ZSWIM8: variants seen among roughly 807,000 people sequenced by gnomAD.
ZSWIM8 encodes zinc finger SWIM-type containing 8.
ZSWIM8 carries 27 observed loss-of-function variants against 173.7 expected under a neutral mutation model. The observed-to-expected ratio is 0.16, with a 90% CI of 0.11 to 0.21. The LOEUF (loss-of-function observed/expected upper bound fraction) is 0.21, where lower values mean the gene tolerates loss of function less well. Ranked by LOEUF, ZSWIM8 falls within the 10% of genes least tolerant of loss-of-function variation. ZSWIM8 has a pLI of 1.00. For missense variants in ZSWIM8, 1,627 were observed against 2,428.8 expected (o/e 0.67, Z 6.94); for synonymous variants, 958 against 962.0 (o/e 1.00, Z 0.08).
In ZSWIM8 at chr10:73,791,958, C is replaced by T. The variant is rs551959179; in HGVS notation, c.1419C>T (p.Pro473=). 215 of 1,551,248 alleles carry T rather than the reference C, an allele frequency of 1.4e-4. No individual in the cohort carries two copies. Among genetic ancestry groups the T allele is most frequent in the Non-Finnish European group, 1.8e-4 (201 of 1,146,884 alleles). Residue 473 remains proline, a synonymous_variant, in exon 10 of 26, where the codon CCC becomes CCT. Transcript: ENST00000604729. This position sits in a 1 kb window ranked among gnomAD's most constrained non-coding sequence, Gnocchi z 6.0. ...QHKKTLERLF[P]GFRPAVEACY... is the part of the protein sequence containing the mutation. ...AGAAGACGCTGGAGCGGCTCTTCCC[C>T]GGCTTCCGGCCAGCGGTGGAGGCCT... is the stretch of plus-strand genomic sequence containing the variant.
At chr10:73,788,614 A>C in intron 1 of ZSWIM8, 56 bp from the exon 2 acceptor site, 7 of 1,576,206 alleles carry the variant, frequency 4.4e-6, no homozygotes, top group Non-Finnish European at 6.1e-6. Context: ...CCAAGAGACC[A>C]TGGCCCTTTT....
chr10:73,796,755 C>T lies in ZSWIM8; in HGVS notation c.3034-19C>T. ...ATCCTGTCACTGCTTCTCTGGAGGT[C>T]ACTGCTTCTGTCTTCCAGATCTTAG... On this transcript the variant is annotated intron_variant, in intron 15 of 25. Coordinates refer to ENST00000604729, the MANE Select transcript of ZSWIM8 (RefSeq NM_001367799.1). The T allele has an allele frequency of 6.2e-7, 1 of 1,610,308 alleles. No homozygotes were observed. Among genetic ancestry groups the T allele is most frequent in the Non-Finnish European group, 8.5e-7 (1 of 1,179,526 alleles).
Position 73,791,844 on chromosome 10 carries a change from C to G in ZSWIM8, c.1320-15C>G. ...CAGTAGCCCCTCAGCAGCCTCCTGC[C>G]CCTTGTTCCCACAGGCGCCGGGAAC... On this transcript the variant is annotated splice_polypyrimidine_tract_variant and intron_variant, in intron 9 of 25. Coordinates refer to ENST00000604729, the MANE Select transcript of ZSWIM8 (RefSeq NM_001367799.1). The surrounding 1 kb of genome is among the most constrained non-coding windows in gnomAD (Gnocchi z 6.0). 1 of 1,498,450 alleles carries G rather than the reference C, an allele frequency of 6.7e-7. No individual in the cohort carries two copies. Among genetic ancestry groups the G allele is most frequent in the Non-Finnish European group, 9.0e-7 (1 of 1,114,846 alleles). The allele number at this position is 1,498,450 out of a possible 1,614,324, so 92.8% of individuals were successfully genotyped here.
Position 73,792,870 on chromosome 10 carries a change from G to C in ZSWIM8, c.2313+18G>C. ...GCATGGAGGTGAGGGGATGGAAGGA[G>C]GGAGGGCTGGGTGCTCCTTAGCCAC... On this transcript the variant is annotated intron_variant, in intron 10 of 25. Transcript: ENST00000604729. The surrounding 1 kb of genome is among the most constrained non-coding windows in gnomAD (Gnocchi z 4.3). 3 of 1,528,378 alleles carry C rather than the reference G, an allele frequency of 2.0e-6. No individual in the cohort carries two copies. The highest frequency in any genetic ancestry group is 2.6e-6 in the Non-Finnish European group (3 of 1,142,880). 94.7% of individuals were successfully genotyped at this position (1,528,378 alleles called of 1,614,324 possible).
In ZSWIM8 at chr10:73,801,761, A is replaced by G. The variant is rs2083976152; in HGVS notation, c.*242A>G. The G allele has an allele frequency of 6.7e-7, 1 of 1,493,184 alleles. No homozygotes were observed. Among genetic ancestry groups the G allele is most frequent in the African/African-American group, 1.4e-5 (1 of 71,500 alleles). The allele number at this position is 1,493,184 out of a possible 1,614,324, so 92.5% of individuals were successfully genotyped here. A position where few individuals can be genotyped will look rare whatever the true frequency, so the allele number is the denominator to read the frequency against. Reference sequence around the variant, plus strand: ...GGGTGGCCTCTGGTATTTATTTGGCATTTATAAATATATAAACTCCTTTTT... The same window carrying G: ...GGGTGGCCTCTGGTATTTATTTGGCGTTTATAAATATATAAACTCCTTTTT... On this transcript the variant is annotated 3_prime_UTR_variant, in exon 26 of 26. Coordinates refer to ENST00000604729, the MANE Select transcript of ZSWIM8 (RefSeq NM_001367799.1). This position sits in a 1 kb window ranked among gnomAD's most constrained non-coding sequence, Gnocchi z 4.9.
At chr10:73,787,567 G>A (rs971019765) in intron 1 of ZSWIM8, among the ~76,000 whole-genome samples, 17 of 152,202 alleles carry the variant, frequency 1.1e-4, no homozygotes, top group African/African-American at 3.6e-4. Context: ...AAATAAAGGG[G>A]TTGGCCAGGT....
rs764840466 is a variant in ZSWIM8, at chr10:73,794,020, T to A, written c.2601T>A (p.Pro867=). 6.2e-7 allele frequency: 1 copy of A among 1,613,370 alleles called. No homozygotes were observed. Among genetic ancestry groups the A allele is most frequent in the Non-Finnish European group, 8.5e-7 (1 of 1,179,586 alleles). ...TGTTTGCCTTGGAGCTACAGAGGCC[T>A]CCAGCTTCTACCAAGGCCTTGGAGG... The part of the protein sequence containing the change: ...VGMFALELQR[P]PASTKALEVK... The change falls in exon 12 of 26, where the codon CCT becomes CCA. Residue 867 remains proline (P), a synonymous_variant. Coordinates refer to ENST00000604729, the MANE Select transcript of ZSWIM8 (RefSeq NM_001367799.1).
intron 7 of ZSWIM8, among the ~76,000 whole-genome samples, 162 bp from the exon 8 acceptor site, chr10:73,790,813 C>T (rs1012099033): frequency 2.0e-5 from 3 of 152,128 alleles, no homozygotes; most frequent in African/African-American, 7.2e-5. Flanking sequence ...CGCGCCATTG[C>T]ACTCAAGCCT....
intron 1 of ZSWIM8, among the ~76,000 whole-genome samples, chr10:73,788,425 C>T (rs1408283986): frequency 1.3e-5 from 2 of 152,166 alleles, no homozygotes. Flanking sequence ...TCTCTGGTAT[C>T]TTCTGTTCTA....
intron 1 of ZSWIM8, among the ~76,000 whole-genome samples, chr10:73,788,376 C>T (rs924589669): frequency 6.6e-6 from 1 of 152,140 alleles, no homozygotes; most frequent in African/African-American, 2.4e-5. Flanking sequence ...TTGCTAGGGT[C>T]CTGGAACGCA....
rs532021298 is a variant in ZSWIM8 at position 73,798,463 on chromosome 10, C to T, written c.4176+10C>T. 1.4e-5 allele frequency: 23 copies of T among 1,608,392 alleles called. No homozygotes were observed. Among genetic ancestry groups the T allele is most frequent in the African/African-American group, 1.1e-4 (8 of 74,946 alleles). ...GCAGTGCAAGGAACAGGTATTTCTA[C>T]GGGCAATCTGGGAACCTCTTCTGGG... On this transcript the variant is annotated intron_variant, in intron 20 of 25. Transcript: ENST00000604729.
In ZSWIM8 at chr10:73,797,077, C is replaced by T. The variant is rs759076241; in HGVS notation, c.3275-36C>T. The T allele has an allele frequency of 1.6e-5, 26 of 1,612,974 alleles. 1 individual carries two copies. The highest frequency in any genetic ancestry group is 3.3e-5 in the Admixed American group (2 of 59,886). ...TGGACCTATGTTGAGGTCCCCTTTC[C>T]TGGGCTCATCCCAGCGTCCTGTTTT... is the stretch of plus-strand genomic sequence containing the variant. On this transcript the variant is annotated intron_variant, in intron 16 of 25. Transcript: ENST00000604729. This position sits in a 1 kb window ranked among gnomAD's most constrained non-coding sequence, Gnocchi z 5.6.
chr10:73,786,189 C>A, intron 1 of ZSWIM8, 103 bp downstream of exon 1: 1 of 1,283,068 alleles, frequency 7.8e-7, no homozygotes, highest in Non-Finnish European at 1.0e-6. Flanking sequence ...CTCTCTTCAA[C>A]CAGGGGAAGA....
chr10:73,801,717 C>A lies in ZSWIM8; in HGVS notation c.*198C>A. 1 of 1,531,988 alleles carries A rather than the reference C, an allele frequency of 6.5e-7. No homozygotes were observed. The allele number at this position is 1,531,988 out of a possible 1,614,324, so 94.9% of individuals were successfully genotyped here. ...AAGCCTAGGGCTGGGGGAGACAGCCCTGTCTGGGAGGGGGCGTTGGGTGGC... is the reference window on the plus strand; with the variant it reads ...AAGCCTAGGGCTGGGGGAGACAGCCATGTCTGGGAGGGGGCGTTGGGTGGC... On this transcript the variant is annotated 3_prime_UTR_variant, in exon 26 of 26. Transcript: ENST00000604729. This position sits in a 1 kb window ranked among gnomAD's most constrained non-coding sequence, Gnocchi z 4.9.
rs2083423535 is a variant in ZSWIM8 at position 73,791,782 on chromosome 10, CT to C, written c.1320-74del. 1 of 1,441,032 alleles carries C rather than the reference CT, an allele frequency of 6.9e-7. No homozygotes were observed. Among genetic ancestry groups the C allele is most frequent in the Admixed American group, 2.8e-5 (1 of 35,896 alleles). 89.3% of individuals were successfully genotyped at this position (1,441,032 alleles called of 1,614,324 possible). ...TCCTGTATCCTTTCCCCATGCCTCT[CT>C]TTGGGGTGTACACCTACTCCATGCC... On this transcript the variant is annotated intron_variant, in intron 9 of 25. Coordinates refer to ENST00000604729, the MANE Select transcript of ZSWIM8 (RefSeq NM_001367799.1). The surrounding 1 kb of genome is among the most constrained non-coding windows in gnomAD (Gnocchi z 6.0).
chr10:73,788,967 T>TCCCCCCCCCCCCCCCCCCCCCCCCC, intron 2 of ZSWIM8, 129 bp from the exon 3 acceptor site: 1 of 507,286 alleles, frequency 2.0e-6, no homozygotes, highest in South Asian at 1.9e-5. Flanking sequence ...TTCCACTCCC[T>TCCCCCCCCCCCCCCCCCCCCCCCCC]CCCCCCCACC....
In ZSWIM8 at chr10:73,793,855, C is replaced by G. The variant is rs773559391; in HGVS notation, c.2446-10C>G. ...CATCTGCCTGTCTCCTGTGTTTCTT[C>G]CCTTTCTAGGGCAAGAAGAACAAGG... On this transcript the variant is annotated splice_polypyrimidine_tract_variant and intron_variant, in intron 11 of 25. Transcript: ENST00000604729. The G allele has an allele frequency of 5.6e-6, 9 of 1,593,356 alleles. No individual in the cohort carries two copies. The East Asian group carries it at 1.8e-4, about 32-fold the overall frequency.
intron 1 of ZSWIM8, chr10:73,786,304 TTC>T: frequency 1.9e-6 from 1 of 537,108 alleles, no homozygotes; most frequent in South Asian, 2.8e-5. Context: ...GTGGGCTGGC[TTC>T]TCCACACCTG....
Position 73,791,713 on chromosome 10 carries a change from C to T in ZSWIM8, c.1320-146C>T. 7.8e-7 allele frequency: 1 copy of T among 1,274,822 alleles called. No homozygotes were observed. 79.0% of individuals were successfully genotyped at this position (1,274,822 alleles called of 1,614,324 possible). On this transcript the variant is annotated intron_variant, in intron 9 of 25. Transcript: ENST00000604729. This position sits in a 1 kb window ranked among gnomAD's most constrained non-coding sequence, Gnocchi z 6.0. Reference sequence around the variant, plus strand: ...AATAACACCCACTTTTCAAAATTCTCCAGTGTTTCAGTGATGCTTATGGGG... The same window carrying T: ...AATAACACCCACTTTTCAAAATTCTTCAGTGTTTCAGTGATGCTTATGGGG...
Sources: allele counts gnomAD v4.1 joint callset (sites outside exome capture counted in the v4.1 genomes callset), GRCh38; gene constraint gnomAD v4.1.1; non-coding constraint Gnocchi (gnomAD v3.1); transcripts MANE v1.5; gene names NCBI Gene and HGNC (gene_info 2026-07-23, HGNC 2026-07-21).